Variants in LDLRAD4 observed in about 807,000 individuals in gnomAD.
The protein encoded by LDLRAD4 is low-density lipoprotein receptor class A domain-containing protein 4.
Under a neutral mutation model 17.0 loss-of-function variants are expected in LDLRAD4, and 5 were observed. That is an observed-to-expected ratio of 0.29 (90% CI 0.15 to 0.62). The LOEUF (loss-of-function observed/expected upper bound fraction) is 0.62, where lower values mean the gene tolerates loss of function less well. Among genes scored for constraint, LDLRAD4 ranks in the 20% least tolerant of loss-of-function variants. The pLI is 0.84. For missense variants in LDLRAD4, 340 were observed against 424.7 expected (o/e 0.80, Z 1.75); for synonymous variants, 168 against 171.8 (o/e 0.98, Z 0.17).
chr18:13,536,609 C>CT (rs895484245), intron 3 of LDLRAD4, among the ~76,000 whole-genome samples: 399 of 145,770 alleles, frequency 2.7e-3, no homozygotes, highest in Middle Eastern at 0.01. Flanking sequence ...CCTTTAATGT[C>CT]TTTTTTTTTT....
At chr18:13,219,314 C>A (rs910204319) in intron 1 of LDLRAD4, among the ~76,000 whole-genome samples, 4 of 152,118 alleles carry the variant, frequency 2.6e-5, no homozygotes, top group African/African-American at 9.7e-5. Context: ...GTGCCCATAG[C>A]CGCATGAACT....
intron 1 of LDLRAD4, among the ~76,000 whole-genome samples, chr18:13,247,339 C>T (rs748627975): frequency 6.6e-6 from 1 of 151,960 alleles, no homozygotes; most frequent in Non-Finnish European, 1.5e-5. Flanking sequence ...TCATGGCACG[C>T]GTATCACAAC....
At chr18:13,267,176 G>T in intron 1 of LDLRAD4, among the ~76,000 whole-genome samples, 1 of 152,212 alleles carries the variant, frequency 6.6e-6, no homozygotes, top group East Asian at 1.9e-4. Context: ...AATTCTAATA[G>T]AAACATTTTT....
At chr18:13,605,143 G>T (rs1465114561) in intron 3 of LDLRAD4, among the ~76,000 whole-genome samples, 1 of 152,206 alleles carries the variant, frequency 6.6e-6, no homozygotes, top group East Asian at 1.9e-4. Context: ...TTAACATATG[G>T]TGTCCAGAAA....
At chr18:13,443,982 G>A (rs963772018) in intron 3 of LDLRAD4, among the ~76,000 whole-genome samples, 4 of 152,166 alleles carry the variant, frequency 2.6e-5, no homozygotes, top group Admixed American at 6.5e-5. Context: ...GTGTGATACC[G>A]TCAGGCATTT....
At chr18:13,570,431 G>T (rs1293605700) in intron 3 of LDLRAD4, among the ~76,000 whole-genome samples, 1 of 152,204 alleles carries the variant, frequency 6.6e-6, no homozygotes, top group Non-Finnish European at 1.5e-5. Flanking sequence ...AGACTCCAGC[G>T]AGCACTGGGG....
intron 2 of LDLRAD4, among the ~76,000 whole-genome samples, chr18:13,424,790 T>C (rs1368060919): frequency 6.6e-6 from 1 of 152,198 alleles, no homozygotes; most frequent in Non-Finnish European, 1.5e-5. Context: ...GGTGCAGTGA[T>C]GGGAAGCCAT....
Position 13,304,982 on chromosome 18 carries a change from T to C in LDLRAD4, c.-383+26794T>C, listed in dbSNP as rs185080881. ...TTAGTTGACTCTTGTACAACATGGG[T>C]TGAAACTGTGTGGGCCTACTTGTAT... On this transcript the variant is annotated intron_variant, in intron 1 of 5. Coordinates refer to ENST00000359446, the Ensembl canonical transcript of LDLRAD4. 1.9e-3 allele frequency among the ~76,000 whole-genome samples: 284 copies of C among 152,276 alleles called. 1 individual carries two copies. Among genetic ancestry groups the C allele is most frequent in the Admixed American group, 4.0e-3 (61 of 15,304 alleles).
At chr18:13,390,156 A>G (rs1169456490) in intron 2 of LDLRAD4, among the ~76,000 whole-genome samples, 1 of 152,126 alleles carries the variant, frequency 6.6e-6, no homozygotes, top group Non-Finnish European at 1.5e-5. Context: ...CCTCTCTTTC[A>G]GCTCACATTT....
chr18:13,295,112 A>AG (rs2046200441), intron 1 of LDLRAD4, among the ~76,000 whole-genome samples: 1 of 152,334 alleles, frequency 6.6e-6, no homozygotes, highest in East Asian at 1.9e-4. Context: ...AGCATTCCTA[A>AG]GGGGGAAGTT....
At chr18:13,321,688 C>T (rs927864127) in intron 1 of LDLRAD4, among the ~76,000 whole-genome samples, 4 of 151,598 alleles carry the variant, frequency 2.6e-5, no homozygotes, top group Admixed American at 1.3e-4. Context: ...GGTGAAACCC[C>T]ATCTCTACTA....
intron 3 of LDLRAD4, among the ~76,000 whole-genome samples, chr18:13,497,093 A>T (rs945346632): frequency 6.6e-6 from 1 of 152,252 alleles, no homozygotes; most frequent in African/African-American, 2.4e-5. Flanking sequence ...TGCCTGACTC[A>T]TAATGAGCAT....
chr18:13,540,676 A>G (rs964083673), intron 3 of LDLRAD4, among the ~76,000 whole-genome samples: 1 of 152,254 alleles, frequency 6.6e-6, no homozygotes, highest in Non-Finnish European at 1.5e-5. Flanking sequence ...TCACAGGAAC[A>G]TTATAAATTG....
intron 1 of LDLRAD4, among the ~76,000 whole-genome samples, chr18:13,284,718 T>G (rs1279458084): frequency 6.6e-6 from 1 of 152,152 alleles, no homozygotes; most frequent in East Asian, 1.9e-4. Context: ...CTGGTGCGGT[T>G]TGGGGGGCAG....
chr18:13,429,848 T>C (rs920470916), intron 2 of LDLRAD4, among the ~76,000 whole-genome samples: 8 of 152,088 alleles, frequency 5.3e-5, no homozygotes, highest in Admixed American at 3.9e-4. Flanking sequence ...AGAGGAAAAA[T>C]GAAAAGCTGC....
intron 1 of LDLRAD4, among the ~76,000 whole-genome samples, chr18:13,375,649 G>A (rs987898412): frequency 3.3e-5 from 5 of 152,200 alleles, no homozygotes; most frequent in African/African-American, 1.2e-4. Context: ...ATCTAAGCAG[G>A]CCCTGGCCTG....
At chr18:13,627,160 A>G (rs1268293072) in intron 4 of LDLRAD4, among the ~76,000 whole-genome samples, 1 of 152,196 alleles carries the variant, frequency 6.6e-6, no homozygotes, top group Admixed American at 6.5e-5. Flanking sequence ...AATCCCAGCT[A>G]CTTGGGAGGC....
intron 3 of LDLRAD4, chr18:13,515,095 T>TAA (rs2093843909): frequency 6.6e-6 from 1 of 152,256 alleles, no homozygotes; most frequent in Non-Finnish European, 1.5e-5. Flanking sequence ...ACATAACTGT[T>TAA]AAAGGGTCAG....
intron 3 of LDLRAD4, chr18:13,515,851 GCTGGAGTGCAAC>G (rs1437455319): frequency 6.6e-6 from 1 of 152,164 alleles, no homozygotes; most frequent in Non-Finnish European, 1.5e-5. Context: ...TGTCGCCCAG[GCTGGAGTGCAAC>G]CTGGAGTGCC....
Sources: gnomAD v4.1 joint callset for allele counts (sites outside exome capture counted in the v4.1 genomes callset) on GRCh38, gnomAD v4.1.1 for gene constraint, MANE v1.5 for transcripts, NCBI Gene and HGNC (gene_info 2026-07-23, HGNC 2026-07-21) for gene names.